The following KIAA1549L variants were observed in gnomAD, a reference collection of about 807,000 sequenced individuals.
The protein encoded by KIAA1549L is UPF0606 protein KIAA1549L.
A neutral mutation model predicts 160.7 loss-of-function variants in KIAA1549L; 88 were observed. The observed-to-expected ratio is 0.55, with a 90% confidence interval of 0.46 to 0.65. KIAA1549L has a LOEUF of 0.65. Among genes scored for constraint, KIAA1549L ranks in the 30% least tolerant of loss-of-function variants. The pLI, the probability that KIAA1549L is intolerant of heterozygous loss-of-function variation, is 0.00. For synonymous variants in KIAA1549L, 950 were observed against 976.7 expected (o/e 0.97, Z 0.51); for missense variants, 2,258 against 2,437.5 (o/e 0.93, Z 1.55).
Position 33,544,372 on chromosome 11 carries a change from AC to A in KIAA1549L, c.2773+41del, listed in dbSNP as rs1241340168. On this transcript the variant is annotated intron_variant, in intron 2 of 20. Coordinates refer to ENST00000658780, the MANE Select transcript of KIAA1549L (RefSeq NM_012194.3). ...TAATGCAGGTAGTTTGTTTCCCGGT[AC>A]CCCCAAAACAGGCATGACTGCTTTT... The A allele has an allele frequency of 1.2e-5, 20 of 1,601,010 alleles. No individual in the cohort carries two copies. The Admixed American group carries it at 1.5e-4, about 12-fold the overall frequency.
Position 33,432,097 on chromosome 11 carries a change from C to T in KIAA1549L, c.238+55208C>T, listed in dbSNP as rs1254507281. Among the ~76,000 whole-genome samples, 6 of 152,290 alleles carry T rather than the reference C, an allele frequency of 3.9e-5. No individual in the cohort carries two copies. In the East Asian group the frequency reaches 5.8e-4, roughly 15 times the overall value. ...CTCCAGCTGGCCCACAAGCTCTGCA[C>T]GCAGTCCCGGTTCCCGCTCGCACCT... On this transcript the variant is annotated intron_variant, in intron 1 of 20. Coordinates refer to ENST00000658780, the MANE Select transcript of KIAA1549L (RefSeq NM_012194.3).
chr11:33,583,584 A>G, intron 11 of KIAA1549L, 83 bp downstream of exon 11: 1 of 1,293,136 alleles, frequency 7.7e-7, no homozygotes, highest in East Asian at 2.6e-5. Context: ...TTTTGAGGCC[A>G]TTGCCAGAGC....
At chr11:33,575,764 GA>G (rs1855424660) in intron 10 of KIAA1549L, among the ~76,000 whole-genome samples, 1 of 152,302 alleles carries the variant, frequency 6.6e-6, no homozygotes, top group South Asian at 2.1e-4. Flanking sequence ...AAGTGTGCTT[GA>G]AAAATGAGTT....
chr11:33,661,651 G>A (rs1419014454), intron 20 of KIAA1549L, among the ~76,000 whole-genome samples: 4 of 152,032 alleles, frequency 2.6e-5, no homozygotes, highest in South Asian at 2.1e-4. Context: ...AGGCTGAGGC[G>A]GGCAGGTCAC....
chr11:33,541,312 A>G (rs1343378319), intron 1 of KIAA1549L, among the ~76,000 whole-genome samples: 1 of 152,226 alleles, frequency 6.6e-6, no homozygotes, highest in East Asian at 1.9e-4. Context: ...AGGAAGATAA[A>G]TATGTTTCAT....
rs190943399 is a variant in KIAA1549L at position 33,393,450 on chromosome 11, C to T, written c.238+16561C>T. ...AGCAGTGGTTCTCAAAAGGTAATCC[C>T]GGGTACAATGGGGTCCTGGAAACCC... is the stretch of plus-strand genomic sequence containing the variant. On this transcript the variant is annotated intron_variant, in intron 1 of 20. Coordinates refer to ENST00000658780, the MANE Select transcript of KIAA1549L (RefSeq NM_012194.3). Among the ~76,000 whole-genome samples the T allele has an allele frequency of 1.3e-3, 195 of 152,230 alleles. 2 individuals carry two copies. Among genetic ancestry groups the T allele is most frequent in the Middle Eastern group, 3.4e-3 (1 of 294 alleles).
chr11:33,426,159 T>C (rs1851111331), intron 1 of KIAA1549L, among the ~76,000 whole-genome samples: 1 of 152,222 alleles, frequency 6.6e-6, no homozygotes, highest in African/African-American at 2.4e-5. Flanking sequence ...ATCAGTGTTA[T>C]ATTCTTGGTT....
chr11:33,623,022 A>G (rs568203565), intron 16 of KIAA1549L, among the ~76,000 whole-genome samples: 1 of 152,324 alleles, frequency 6.6e-6, no homozygotes, highest in Non-Finnish European at 1.5e-5. Context: ...ACAATGAAAT[A>G]TTATCTGGAA....
In KIAA1549L at chr11:33,668,213, C is replaced by A; in HGVS notation, c.*59C>A. The A allele has an allele frequency of 6.6e-7, 1 of 1,511,312 alleles. No individual in the cohort carries two copies. Among genetic ancestry groups the A allele is most frequent in the South Asian group, 1.2e-5 (1 of 81,622 alleles). 93.6% of individuals were successfully genotyped at this position (1,511,312 alleles called of 1,614,324 possible). ...CTCTGAGGACTCAGCCTTTGGGTTT[C>A]CCATGCCTACGTGTTAGGACTTGAG... is the stretch of plus-strand genomic sequence containing the variant. On this transcript the variant is annotated 3_prime_UTR_variant, in exon 21 of 21. Coordinates refer to ENST00000658780, the MANE Select transcript of KIAA1549L (RefSeq NM_012194.3).
At chr11:33,421,627 A>C (rs1851013444) in intron 1 of KIAA1549L, among the ~76,000 whole-genome samples, 1 of 152,258 alleles carries the variant, frequency 6.6e-6, no homozygotes, top group African/African-American at 2.4e-5. Context: ...GTGATTTATA[A>C]AGCAGATGAA....
At chr11:33,410,216 G>A (rs137898200) in intron 1 of KIAA1549L, among the ~76,000 whole-genome samples, 25 of 152,278 alleles carry the variant, frequency 1.6e-4, no homozygotes, top group African/African-American at 5.5e-4. Context: ...TCTATCACAG[G>A]CTTTGGAATT....
At chr11:33,402,991 C>T (rs1850533347) in intron 1 of KIAA1549L, among the ~76,000 whole-genome samples, 1 of 152,080 alleles carries the variant, frequency 6.6e-6, no homozygotes, top group African/African-American at 2.4e-5. Flanking sequence ...ACATACTCCC[C>T]CCTGGTTAAA....
At chr11:33,437,298 A>T (rs937031963) in intron 1 of KIAA1549L, among the ~76,000 whole-genome samples, 4 of 152,190 alleles carry the variant, frequency 2.6e-5, no homozygotes, top group African/African-American at 9.6e-5. Flanking sequence ...AATGGAAAAA[A>T]GGGCTTTTAC....
intron 1 of KIAA1549L, among the ~76,000 whole-genome samples, chr11:33,477,730 C>T (rs1852320417): frequency 6.6e-6 from 1 of 152,162 alleles, no homozygotes; most frequent in African/African-American, 2.4e-5. Context: ...TTGCTCCCAC[C>T]CTCACTTCCT....
chr11:33,462,422 TA>T (rs1189163241), intron 1 of KIAA1549L, among the ~76,000 whole-genome samples: 6 of 152,328 alleles, frequency 3.9e-5, no homozygotes, highest in Non-Finnish European at 7.4e-5. Context: ...GCAATATCTG[TA>T]AAAAAATTTT....
At chr11:33,574,894 T>A in intron 10 of KIAA1549L, 21 bp downstream of exon 10, 1 of 1,600,940 alleles carries the variant, frequency 6.2e-7, no homozygotes, top group Non-Finnish European at 8.5e-7. Context: ...GGTCTTTTTA[T>A]TCAGTCTTTT....
In KIAA1549L at chr11:33,669,240, C is replaced by T. The variant is rs1490319974; in HGVS notation, c.*1086C>T. ...TAAATGTAAATAACCTTTTAAAAAG[C>T]GTATGGAGTTAGCCAGTTCCCCCTA... On this transcript the variant is annotated 3_prime_UTR_variant, in exon 21 of 21. Coordinates refer to ENST00000658780, the MANE Select transcript of KIAA1549L (RefSeq NM_012194.3). 6.6e-6 allele frequency: 1 copy of T among 152,136 alleles called. No individual in the cohort carries two copies. Among genetic ancestry groups the T allele is most frequent in the African/African-American group, 2.4e-5 (1 of 41,406 alleles). 9.4% of individuals were successfully genotyped at this position (152,136 alleles called of 1,614,324 possible). A position where few individuals can be genotyped will look rare whatever the true frequency, so the allele number is the denominator to read the frequency against.
rs143637136 is a variant in KIAA1549L at position 33,543,865 on chromosome 11, A to T, written c.2302A>T (p.Thr768Ser). The change falls in exon 2 of 21, where the codon ACT becomes TCT. Residue 768 changes from threonine to serine, a missense_variant. This residue lies in a region of KIAA1549L where 287 missense variants were observed against 292.3 expected (regional missense o/e 0.98). Transcript: ENST00000658780. ...DFKDTAGHSV[T>S]AEGFSIQDLV... ...CAAAGATACTGCTGGGCATTCAGTGACTGCAGAAGGGTTTAGTATTCAGGA... is the reference window on the plus strand; with the variant it reads ...CAAAGATACTGCTGGGCATTCAGTGTCTGCAGAAGGGTTTAGTATTCAGGA... The T allele has an allele frequency of 2.5e-6, 4 of 1,614,038 alleles. No individual in the cohort carries two copies. The highest frequency in any genetic ancestry group is 3.4e-6 in the Non-Finnish European group (4 of 1,179,890).
chr11:33,404,675 A>G (rs975200537), intron 1 of KIAA1549L, among the ~76,000 whole-genome samples: 1 of 152,164 alleles, frequency 6.6e-6, no homozygotes, highest in Admixed American at 6.5e-5. Flanking sequence ...CAAAAACTAT[A>G]TAAGGTGTTT....
Sources: gnomAD v4.1 joint callset for allele counts (sites outside exome capture counted in the v4.1 genomes callset) on GRCh38, gnomAD v4.1.1 for gene constraint, gnomAD v4.1.1 regional missense constraint, MANE v1.5 for transcripts, NCBI Gene and HGNC (gene_info 2026-07-23, HGNC 2026-07-21) for gene names.